The following MACC1 variants were observed in gnomAD, a reference collection of about 807,000 sequenced individuals.
MACC1 encodes MET transcriptional regulator MACC1, also known as metastasis-associated in colon cancer protein 1.
A neutral mutation model predicts 70.7 loss-of-function variants in MACC1; 79 were observed. That is an observed-to-expected ratio of 1.12 (90% CI 0.93 to 1.35). The LOEUF is 1.35. Ranked by LOEUF, MACC1 falls within the 40% of genes most tolerant of loss-of-function variation. The pLI, the probability that MACC1 is intolerant of heterozygous loss-of-function variation, is 0.00. For missense variants in MACC1, 1,106 were observed against 978.1 expected (o/e 1.13, Z -1.74); for synonymous variants, 361 against 347.2 (o/e 1.04, Z -0.44).
chr7:20,164,588 G>A (rs931106856), intron 2 of MACC1, among the ~76,000 whole-genome samples, 189 bp from the exon 3 acceptor site: 4 of 152,036 alleles, frequency 2.6e-5, no homozygotes, highest in Non-Finnish European at 5.9e-5. Context: ...CCCTGATTGG[G>A]GAAACTACAT....
Position 20,160,139 on chromosome 7 carries a change from A to T in MACC1, c.222T>A (p.Ser74=), listed in dbSNP as rs1342017670. 1 of 1,613,310 alleles carries T rather than the reference A, an allele frequency of 6.2e-7. No homozygotes were observed. The highest frequency in any genetic ancestry group is 1.1e-5 in the South Asian group (1 of 90,764). ...ANPFWNQLSA[S]NPFLDDITQL... ...GAGTTATGTCATCCAAAAATGGGTT[A>T]GAAGCAGACAGTTGATTCCAGAATG... Residue 74 remains serine, a synonymous_variant, in exon 5 of 7, where the codon TCT becomes TCA. Coordinates refer to ENST00000400331, the MANE Select transcript of MACC1 (RefSeq NM_182762.4).
At chr7:20,161,914 C>T (rs1275089310) in intron 3 of MACC1, 44 bp from the exon 4 acceptor site, 1 of 1,140,484 alleles carries the variant, frequency 8.8e-7, no homozygotes, top group Non-Finnish European at 1.3e-6. Context: ...CATACATATA[C>T]AGGCTGGCAG....
chr7:20,179,931 T>C (rs3114460), intron 1 of MACC1, among the ~76,000 whole-genome samples: 74,513 of 152,072 alleles, frequency 0.49, 20,175 homozygotes, highest in East Asian at 0.86. Flanking sequence ...TTCTGCTCTA[T>C]GAATTGTCAA....
chr7:20,194,243 T>C (rs1291300535), intron 1 of MACC1, among the ~76,000 whole-genome samples: 1 of 152,138 alleles, frequency 6.6e-6, no homozygotes, highest in Non-Finnish European at 1.5e-5. Context: ...TTTTAGATTA[T>C]AGAATCTTGG....
At chr7:20,150,803 T>G (rs1298118737) in intron 6 of MACC1, among the ~76,000 whole-genome samples, 6 of 151,952 alleles carry the variant, frequency 3.9e-5, no homozygotes, top group Non-Finnish European at 5.9e-5. Context: ...TGCCAGCAAT[T>G]TGGGAGGCCG....
chr7:20,183,600 T>A (rs1782542951), intron 1 of MACC1, among the ~76,000 whole-genome samples: 1 of 152,210 alleles, frequency 6.6e-6, no homozygotes, highest in Non-Finnish European at 1.5e-5. Flanking sequence ...TTAACATTCA[T>A]CAGAAGGAGA....
At chr7:20,157,486 A>AT (rs1489308808) in intron 5 of MACC1, among the ~76,000 whole-genome samples, 3 of 151,944 alleles carry the variant, frequency 2.0e-5, no homozygotes, top group African/African-American at 7.3e-5. Context: ...TTGGTAATAC[A>AT]TTAAAAAAAA....
At chr7:20,151,612 A>G (rs921815807) in intron 6 of MACC1, among the ~76,000 whole-genome samples, 1 of 152,224 alleles carries the variant, frequency 6.6e-6, no homozygotes, top group African/African-American at 2.4e-5. Context: ...GACATTCTCA[A>G]AAGTTTCCAA....
At chr7:20,172,713 A>ACC (rs1562591191) in intron 1 of MACC1, among the ~76,000 whole-genome samples, 1 of 152,166 alleles carries the variant, frequency 6.6e-6, no homozygotes, top group Non-Finnish European at 1.5e-5. Context: ...TAAAAGTTGA[A>ACC]CCCCATCACT....
chr7:20,166,071 T>G (rs1313216399), intron 2 of MACC1, among the ~76,000 whole-genome samples: 1 of 152,206 alleles, frequency 6.6e-6, no homozygotes, highest in East Asian at 1.9e-4. Flanking sequence ...CTTTGAATTT[T>G]TTATGATAGT....
At chr7:20,183,232 C>G (rs917598888) in intron 1 of MACC1, among the ~76,000 whole-genome samples, 1 of 152,238 alleles carries the variant, frequency 6.6e-6, no homozygotes, top group Non-Finnish European at 1.5e-5. Flanking sequence ...AAGAATTTGA[C>G]AAACCATTGC....
At chr7:20,214,447 A>G (rs1583416164) in intron 1 of MACC1, among the ~76,000 whole-genome samples, 1 of 152,222 alleles carries the variant, frequency 6.6e-6, no homozygotes, top group South Asian at 2.1e-4. Context: ...TCCACTACCA[A>G]TTGCCACCTG....
At chr7:20,177,723 GTT>G (rs758740704) in intron 1 of MACC1, among the ~76,000 whole-genome samples, 14 of 34,846 alleles carry the variant, frequency 4.0e-4, no homozygotes. Context: ...TGCCTTTGTT[GTT>G]TTTTTTTTTT....
chr7:20,144,563 C>T (rs142263441), intron 6 of MACC1, among the ~76,000 whole-genome samples: 146 of 152,150 alleles, frequency 9.6e-4, no homozygotes, highest in African/African-American at 3.1e-3. Flanking sequence ...GTTCAAAATA[C>T]CTCATGATGT....
At chr7:20,144,810 C>T (rs901607159) in intron 6 of MACC1, among the ~76,000 whole-genome samples, 13 of 151,768 alleles carry the variant, frequency 8.6e-5, no homozygotes, top group African/African-American at 3.1e-4. Flanking sequence ...GAAGAAAACA[C>T]CAAGGAAGAG....
At chr7:20,195,389 C>A (rs765597944) in intron 1 of MACC1, among the ~76,000 whole-genome samples, 2 of 152,118 alleles carry the variant, frequency 1.3e-5, no homozygotes, top group African/African-American at 2.4e-5. Context: ...CCGACAAAGA[C>A]CAGAGACAGC....
chr7:20,178,898 C>G (rs932978666), intron 1 of MACC1, among the ~76,000 whole-genome samples: 6 of 152,116 alleles, frequency 3.9e-5, no homozygotes, highest in African/African-American at 1.4e-4. Context: ...TCATGCCCAG[C>G]CCAGATTTAC....
rs373756180 is a variant in MACC1 at position 20,150,440 on chromosome 7, G to A, written c.2346+3753C>T. On this transcript the variant is annotated intron_variant, in intron 6 of 6. Coordinates refer to ENST00000400331, the MANE Select transcript of MACC1 (RefSeq NM_182762.4). ...CTTTCTTATCTTTAATCTAGACTTGGAACAAAGTACTTTGAACTCTCCAGC... is the reference window on the plus strand; with the variant it reads ...CTTTCTTATCTTTAATCTAGACTTGAAACAAAGTACTTTGAACTCTCCAGC... 26 of 152,206 alleles carry A rather than the reference G, an allele frequency of 1.7e-4. No individual in the cohort carries two copies. In the East Asian group the frequency reaches 2.7e-3, roughly 16 times the overall value. The allele number at this position is 152,206 out of a possible 1,614,324, so 9.4% of individuals were successfully genotyped here.
At chr7:20,162,386 A>T (rs1226751307) in intron 3 of MACC1, among the ~76,000 whole-genome samples, 1 of 152,156 alleles carries the variant, frequency 6.6e-6, no homozygotes, top group Non-Finnish European at 1.5e-5. Flanking sequence ...TGCATAGAGC[A>T]TATTGTTTTG....
Sources: gnomAD v4.1 joint callset for allele counts (sites outside exome capture counted in the v4.1 genomes callset) on GRCh38, gnomAD v4.1.1 for gene constraint, MANE v1.5 for transcripts, NCBI Gene and HGNC (gene_info 2026-07-23, HGNC 2026-07-21) for gene names.